Variants in HDAC9 observed in about 807,000 individuals in gnomAD.
HDAC9 encodes histone deacetylase 9, also known as MEF-2 interacting transcription repressor (MITR) protein.
HDAC9 carries 41 observed loss-of-function variants against 139.4 expected under a neutral mutation model. The ratio of observed to expected loss-of-function variants is 0.29; its 90% confidence interval spans 0.23 to 0.38. HDAC9 has a LOEUF of 0.38. HDAC9 is among the 10% of genes least tolerant of loss of function. The pLI is 1.00. For missense variants in HDAC9, 1,147 were observed against 1,297.0 expected, an observed-to-expected ratio of 0.88 and a Z score of 1.78; for synonymous variants, 517 against 476.2, an observed-to-expected ratio of 1.09 and a Z score of -1.12.
At chr7:18,730,451 C>A (rs1389477644) in intron 13 of HDAC9, among the ~76,000 whole-genome samples, 1 of 152,102 alleles carries the variant, frequency 6.6e-6, no homozygotes, top group African/African-American at 2.4e-5. Flanking sequence ...CTATTTGTTG[C>A]AGACATGTTA....
intron 2 of HDAC9, chr7:18,543,058 A>T (rs1250369169): frequency 6.6e-6 from 1 of 152,184 alleles, no homozygotes; most frequent in Non-Finnish European, 1.5e-5. Flanking sequence ...CACTTTCAAG[A>T]TAATAATAGA....
At chr7:18,322,544 GATT>G (rs1800107734) in intron 1 of HDAC9, among the ~76,000 whole-genome samples, 1 of 152,162 alleles carries the variant, frequency 6.6e-6, no homozygotes, top group African/African-American at 2.4e-5. Flanking sequence ...CTTAGCAAGA[GATT>G]ATTATTTCCA....
chr7:18,286,872 A>G (rs530772218), upstream of HDAC9, among the ~76,000 whole-genome samples: 1 of 152,078 alleles, frequency 6.6e-6, no homozygotes, highest in African/African-American at 2.4e-5. Flanking sequence ...TTGATGCACA[A>G]TTCATTTGGG....
intron 2 of HDAC9, chr7:18,517,683 A>G (rs1194897613): frequency 6.6e-6 from 1 of 152,246 alleles, no homozygotes; most frequent in Non-Finnish European, 1.5e-5. Flanking sequence ...GTAGAAGAGT[A>G]CAAGTTAAGA....
intron 1 of HDAC9, among the ~76,000 whole-genome samples, chr7:18,095,225 C>G (rs1259652241): frequency 6.6e-6 from 1 of 152,106 alleles, no homozygotes; most frequent in Non-Finnish European, 1.5e-5. Flanking sequence ...CCCCTGATTA[C>G]TACAACACAC....
chr7:18,753,322 C>G (rs1033665890), intron 14 of HDAC9, among the ~76,000 whole-genome samples: 4 of 152,018 alleles, frequency 2.6e-5, no homozygotes, highest in Non-Finnish European at 4.4e-5. Flanking sequence ...CCTCTATAGT[C>G]TTGACAGCAT....
chr7:18,775,886 A>C (rs1790724311), intron 16 of HDAC9, among the ~76,000 whole-genome samples: 1 of 151,994 alleles, frequency 6.6e-6, no homozygotes, highest in African/African-American at 2.4e-5. Context: ...AAACAGTTCT[A>C]CGAGATGGCC....
At chr7:18,668,356 C>T in intron 12 of HDAC9, 1 of 935,632 alleles carries the variant, frequency 1.1e-6, no homozygotes. Context: ...ATATGGCATG[C>T]CTAAGATAAA....
chr7:18,633,135 A>G (rs1782852624), intron 7 of HDAC9, among the ~76,000 whole-genome samples: 1 of 152,076 alleles, frequency 6.6e-6, no homozygotes, highest in African/African-American at 2.4e-5. Flanking sequence ...GGAAATAGAA[A>G]AGGGATAAAG....
intron 1 of HDAC9, among the ~76,000 whole-genome samples, chr7:18,396,276 A>C (rs563694883): frequency 2.0e-5 from 3 of 152,238 alleles, no homozygotes; most frequent in African/African-American, 7.2e-5. Flanking sequence ...CTCATACAGA[A>C]TTTACATTTT....
intron 2 of HDAC9, among the ~76,000 whole-genome samples, chr7:18,581,232 G>A (rs1827732746): frequency 6.6e-6 from 1 of 152,098 alleles, no homozygotes; most frequent in Non-Finnish European, 1.5e-5. Flanking sequence ...CTAGACAAAT[G>A]GAATGTGGAT....
At chr7:18,242,069 A>G (rs1351352756) in intron 2 of HDAC9, among the ~76,000 whole-genome samples, 2 of 152,110 alleles carry the variant, frequency 1.3e-5, no homozygotes, top group African/African-American at 4.8e-5. Context: ...ATTTTCCTGG[A>G]TCCCATGCAT....
chr7:18,126,874 G>A (rs1637635), intron 1 of HDAC9, among the ~76,000 whole-genome samples: 21,214 of 152,058 alleles, frequency 0.14, 2,797 homozygotes, highest in African/African-American at 0.35. Context: ...TATATTGTCC[G>A]CATTCAAGGA....
At chr7:18,896,144 C>T (rs10486318) in intron 22 of HDAC9, among the ~76,000 whole-genome samples, 42,033 of 151,798 alleles carry the variant, frequency 0.28, 6,662 homozygotes, top group East Asian at 0.72. Flanking sequence ...GATCTGTTGA[C>T]GTTTAAATGT....
intron 8 of HDAC9, among the ~76,000 whole-genome samples, chr7:18,642,059 T>A (rs1348228421): frequency 6.6e-6 from 1 of 152,108 alleles, no homozygotes; most frequent in Non-Finnish European, 1.5e-5. Context: ...TGTTTCCTTA[T>A]CTGTAATCCA....
Position 18,947,054 on chromosome 7 carries a change from A to G in HDAC9, c.2938-7092A>G, listed in dbSNP as rs1254574131. 2.0e-5 allele frequency among the ~76,000 whole-genome samples: 3 copies of G among 152,152 alleles called. No individual in the cohort carries two copies. In the East Asian group the frequency reaches 5.8e-4, roughly 29 times the overall value. On this transcript the variant is annotated intron_variant, in intron 23 of 25. Transcript: ENST00000686413. ...CATGTGTCCAAAGAAATCACAGTGA[A>G]ATACTAGAAAGTATTCTGAAATAAA...
intron 2 of HDAC9, among the ~76,000 whole-genome samples, chr7:18,539,191 G>T (rs1586812517): frequency 6.6e-6 from 1 of 152,202 alleles, no homozygotes; most frequent in African/African-American, 2.4e-5. Context: ...AACATCACCA[G>T]TGATAAGTCA....
In HDAC9 at chr7:18,802,081, G is replaced by A. The variant is rs181462778; in HGVS notation, c.2322+8629G>A. On this transcript the variant is annotated intron_variant, in intron 17 of 25. Coordinates refer to ENST00000686413, the MANE Select transcript of HDAC9 (RefSeq NM_178425.4). ...TATTATTTATTTTATTTGGGGGGAGGTCATATATTTCTTTTAATAATTTCT... is the reference window on the plus strand; with the variant it reads ...TATTATTTATTTTATTTGGGGGGAGATCATATATTTCTTTTAATAATTTCT... Among the ~76,000 whole-genome samples, 14 of 151,272 alleles carry A rather than the reference G, an allele frequency of 9.3e-5. No individual in the cohort carries two copies. The South Asian group carries it at 2.7e-3, about 29-fold the overall frequency.
intron 1 of HDAC9, among the ~76,000 whole-genome samples, chr7:18,116,131 G>C (rs2731571): frequency 0.99 from 151,527 of 152,332 alleles, 75,368 homozygotes; most frequent in Middle Eastern, 1. Context: ...AGCAATTTTC[G>C]TGGTGTATGT....
Sources: gnomAD v4.1 joint callset for allele counts (sites outside exome capture counted in the v4.1 genomes callset) on GRCh38, gnomAD v4.1.1 for gene constraint, MANE v1.5 for transcripts, NCBI Gene and HGNC (gene_info 2026-07-23, HGNC 2026-07-21) for gene names.